Variants in C10orf90 observed in about 807,000 individuals in gnomAD.
The protein encoded by C10orf90 is (E2-independent) E3 ubiquitin-conjugating enzyme FATS.
Under a neutral mutation model 62.5 loss-of-function variants are expected in C10orf90, and 56 were observed. That is an observed-to-expected ratio of 0.90 (90% CI 0.72 to 1.12). C10orf90 has a LOEUF of 1.12. Among genes scored for constraint, C10orf90 ranks in the 50% most tolerant of loss-of-function variants. The probability of loss-of-function intolerance (pLI) is 0.00; values close to 1 mark genes in which losing one functional copy is unlikely to be tolerated. For synonymous variants in C10orf90, 386 were observed against 340.4 expected (o/e 1.13, Z -1.47); for missense variants, 970 against 880.4 (o/e 1.10, Z -1.29).
intron 2 of C10orf90, among the ~76,000 whole-genome samples, chr10:126,552,722 C>T (rs757233851): frequency 2.0e-5 from 3 of 152,250 alleles, no homozygotes; most frequent in African/African-American, 4.8e-5. Context: ...CGCGCATATG[C>T]GCAAAGGCAG....
At chr10:126,667,337 C>T (rs150454473) in intron 1 of C10orf90, among the ~76,000 whole-genome samples, 13,620 of 151,994 alleles carry the variant, frequency 0.09, 690 homozygotes, top group South Asian at 0.16. Context: ...GGATTACAGG[C>T]GTGAGCCACC....
chr10:126,565,410 T>G (rs11245045), intron 2 of C10orf90, among the ~76,000 whole-genome samples: 1 of 13,922 alleles, frequency 7.2e-5, no homozygotes, highest in Non-Finnish European at 1.9e-4. Flanking sequence ...TTATATATAA[T>G]ATATATTATA....
intron 4 of C10orf90, chr10:126,469,879 C>T (rs1431103702): frequency 6.6e-6 from 3 of 456,654 alleles, no homozygotes; most frequent in Admixed American, 4.7e-5. Context: ...GTTGAGGACT[C>T]TCCTTTGCTG....
chr10:126,663,069 T>C (rs1846550507), intron 1 of C10orf90, among the ~76,000 whole-genome samples: 2 of 152,188 alleles, frequency 1.3e-5, no homozygotes, highest in Admixed American at 1.3e-4. Context: ...TCCTCTTTAA[T>C]CTGTCTGCTC....
intron 2 of C10orf90, among the ~76,000 whole-genome samples, chr10:126,586,342 C>T (rs1418112260): frequency 1.3e-5 from 2 of 152,220 alleles, no homozygotes; most frequent in Non-Finnish European, 2.9e-5. Context: ...GGCCTGGAAA[C>T]CCATGGCTTT....
chr10:126,654,746 C>A (rs1410778173), intron 1 of C10orf90, among the ~76,000 whole-genome samples: 1 of 152,148 alleles, frequency 6.6e-6, no homozygotes, highest in East Asian at 1.9e-4. Context: ...TTAATCATTT[C>A]TAAACTAATC....
intron 4 of C10orf90, chr10:126,502,769 A>G (rs375813150): frequency 3.9e-6 from 2 of 517,016 alleles, no homozygotes; most frequent in Non-Finnish European, 7.9e-6. Flanking sequence ...AATCTCTTTA[A>G]CCACTAAAGT....
At chr10:126,517,268 T>G (rs1236545990) in intron 2 of C10orf90, among the ~76,000 whole-genome samples, 6 of 152,124 alleles carry the variant, frequency 3.9e-5, no homozygotes, top group Admixed American at 6.5e-5. Context: ...AAAAAGCCTA[T>G]GAACCACATG....
chr10:126,581,545 T>C (rs868350343), intron 2 of C10orf90, among the ~76,000 whole-genome samples: 9 of 152,226 alleles, frequency 5.9e-5, no homozygotes, highest in Middle Eastern at 6.8e-3. Context: ...TCTCTTCTCC[T>C]TTCTTAGGGC....
intron 4 of C10orf90, among the ~76,000 whole-genome samples, chr10:126,491,152 T>C (rs998631300): frequency 6.6e-6 from 1 of 152,212 alleles, no homozygotes; most frequent in Non-Finnish European, 1.5e-5. Context: ...TACAAGACTT[T>C]GCTGATAGAA....
chr10:126,434,422 C>T (rs1043685106), intron 7 of C10orf90, among the ~76,000 whole-genome samples: 2 of 152,194 alleles, frequency 1.3e-5, no homozygotes, highest in African/African-American at 4.8e-5. Flanking sequence ...ACTTCATTTT[C>T]CCTACTGAAG....
chr10:126,533,724 A>G (rs1413494456), intron 2 of C10orf90, among the ~76,000 whole-genome samples: 1 of 152,238 alleles, frequency 6.6e-6, no homozygotes, highest in African/African-American at 2.4e-5. Flanking sequence ...TTAACCCCTC[A>G]GAGCCTGTGT....
intron 2 of C10orf90, among the ~76,000 whole-genome samples, chr10:126,644,294 C>T (rs1171838908): frequency 6.6e-6 from 1 of 152,222 alleles, no homozygotes; most frequent in African/African-American, 2.4e-5. Flanking sequence ...CTGAAGGCTC[C>T]CTCCTCCACT....
intron 7 of C10orf90, among the ~76,000 whole-genome samples, chr10:126,441,497 A>G (rs1015596976): frequency 1.3e-5 from 2 of 152,182 alleles, no homozygotes; most frequent in Admixed American, 6.5e-5. Context: ...TGGCCTTGCT[A>G]GAGACCTAGA....
chr10:126,474,816 C>T (rs1043689933), intron 4 of C10orf90, among the ~76,000 whole-genome samples: 1 of 152,148 alleles, frequency 6.6e-6, no homozygotes, highest in South Asian at 2.1e-4. Context: ...TCAGCCATTC[C>T]CCTGTGAGGA....
chr10:126,627,094 G>T lies in C10orf90; in HGVS notation c.313+19471C>A, dbSNP rs549620428. 1.1e-4 allele frequency among the ~76,000 whole-genome samples: 17 copies of T among 148,010 alleles called. No individual in the cohort carries two copies. The East Asian group carries it at 2.8e-3, about 25-fold the overall frequency. On this transcript the variant is annotated intron_variant, in intron 2 of 9. Transcript: ENST00000488181. ...GGCTCGCTGCAACCTCCGCATCCTG[G>T]ATTGGAATGCTTCTCCTGCCTCAGC...
intron 2 of C10orf90, among the ~76,000 whole-genome samples, chr10:126,532,774 T>C (rs1027084715): frequency 8.3e-6 from 1 of 121,094 alleles, no homozygotes; most frequent in Non-Finnish European, 1.6e-5. Context: ...GAGGCGGAGA[T>C]TGCAGTGAGC....
intron 2 of C10orf90, chr10:126,524,819 G>A: frequency 2.0e-6 from 2 of 985,560 alleles, no homozygotes; most frequent in Non-Finnish European, 2.4e-6. Context: ...GGGCATGTGT[G>A]AGAGGGAGGC....
At chr10:126,659,602 G>A (rs908434981) in intron 1 of C10orf90, among the ~76,000 whole-genome samples, 12 of 152,152 alleles carry the variant, frequency 7.9e-5, no homozygotes, top group African/African-American at 2.7e-4. Context: ...TTTCTAGATG[G>A]AGAAGAGATA....
Sources: allele counts gnomAD v4.1 joint callset (sites outside exome capture counted in the v4.1 genomes callset), GRCh38; gene constraint gnomAD v4.1.1; transcripts MANE v1.5; gene names NCBI Gene and HGNC (gene_info 2026-07-23, HGNC 2026-07-21).